MAF: variants seen among roughly 807,000 people sequenced by gnomAD.
The protein encoded by MAF is MAF bZIP transcription factor.
MAF carries 10 observed loss-of-function variants against 22.0 expected under a neutral mutation model. The observed-to-expected ratio is 0.45, with a 90% CI of 0.28 to 0.77. The LOEUF is 0.77. Among genes scored for constraint, MAF ranks in the 30% least tolerant of loss-of-function variants. MAF has a pLI of 0.12. For synonymous variants in MAF, 337 were observed against 255.8 expected (o/e 1.32, Z -3.03); for missense variants, 544 against 548.4 (o/e 0.99, Z 0.08).
chr16:79,512,899 T>G, the MAF span, among the ~76,000 whole-genome samples: 2 of 152,170 alleles, frequency 1.3e-5, no homozygotes, highest in African/African-American at 2.4e-5. Context: ...TATACCTGTA[T>G]AGGCACACGC....
the MAF span, among the ~76,000 whole-genome samples, chr16:79,216,465 G>C: frequency 6.6e-6 from 1 of 152,224 alleles, no homozygotes; most frequent in Non-Finnish European, 1.5e-5. Flanking sequence ...TAGAAACTGT[G>C]CTTAGAGTAC....
At chr16:79,471,760 G>T in the MAF span, among the ~76,000 whole-genome samples, 11,566 of 152,274 alleles carry the variant, frequency 0.076, 570 homozygotes, top group East Asian at 0.13. Context: ...TAGGACAGCT[G>T]ATAAGTGGTC....
chr16:79,513,845 T>C, the MAF span, among the ~76,000 whole-genome samples: 1 of 152,116 alleles, frequency 6.6e-6, no homozygotes, highest in Admixed American at 6.5e-5. Context: ...TTCCACCGGG[T>C]AGGCTGTGTC....
At chr16:79,212,706 C>T in the MAF span, 2 of 148,228 alleles carry the variant, frequency 1.3e-5, no homozygotes, top group Non-Finnish European at 3.1e-5. Flanking sequence ...ATGTTTGTTT[C>T]AGTTTGTTTT....
the MAF span, among the ~76,000 whole-genome samples, chr16:79,425,825 T>C: frequency 5.3e-5 from 8 of 152,328 alleles, no homozygotes; most frequent in Non-Finnish European, 1.2e-4. Flanking sequence ...CACACAGACT[T>C]TGTGCAGCAT....
chr16:79,384,084 A>G, the MAF span, among the ~76,000 whole-genome samples: 3 of 152,166 alleles, frequency 2.0e-5, no homozygotes, highest in African/African-American at 7.2e-5. Context: ...TGAGTTGTAC[A>G]ATCGGGATGA....
chr16:79,220,272 A>AAT, the MAF span, among the ~76,000 whole-genome samples: 1 of 151,238 alleles, frequency 6.6e-6, no homozygotes, highest in East Asian at 1.9e-4. Flanking sequence ...AAAAAAAAAA[A>AAT]AAGTTAAAGT....
At chr16:79,371,691 T>C in the MAF span, among the ~76,000 whole-genome samples, 1 of 152,216 alleles carries the variant, frequency 6.6e-6, no homozygotes, top group African/African-American at 2.4e-5. Context: ...CATTCAGGCC[T>C]CAGGTCCTGT....
the MAF span, among the ~76,000 whole-genome samples, chr16:79,208,936 C>T: frequency 4.6e-5 from 7 of 152,112 alleles, no homozygotes; most frequent in Non-Finnish European, 1.0e-4. Context: ...AGAGTGAGTA[C>T]CCATGAGCAC....
At chr16:79,506,858 G>A in the MAF span, among the ~76,000 whole-genome samples, 1 of 152,250 alleles carries the variant, frequency 6.6e-6, no homozygotes, top group South Asian at 2.1e-4. Context: ...GCTATGATAA[G>A]AAATTTGGAT....
chr16:79,595,247 T>A, intron 1 of MAF: 3 of 1,046,268 alleles, frequency 2.9e-6, no homozygotes, highest in South Asian at 4.6e-5. Context: ...GGAGCCTGTC[T>A]AAACTAGCAC....
the MAF span, among the ~76,000 whole-genome samples, chr16:79,282,559 C>A: frequency 6.6e-6 from 1 of 152,138 alleles, no homozygotes; most frequent in Non-Finnish European, 1.5e-5. Context: ...TTATAACTGG[C>A]CCCACAGTCA....
chr16:79,325,525 G>T, the MAF span, among the ~76,000 whole-genome samples: 12 of 151,854 alleles, frequency 7.9e-5, no homozygotes, highest in Non-Finnish European at 1.5e-4. Flanking sequence ...TGGATGGGCT[G>T]TCTCAGGAGC....
At chr16:79,379,043 C>A in the MAF span, among the ~76,000 whole-genome samples, 2 of 152,188 alleles carry the variant, frequency 1.3e-5, no homozygotes, top group Non-Finnish European at 2.9e-5. Context: ...AAACTTTTCT[C>A]TTTGCCAGGA....
At chr16:79,238,139 T>C in the MAF span, among the ~76,000 whole-genome samples, 2 of 152,106 alleles carry the variant, frequency 1.3e-5, no homozygotes, top group Non-Finnish European at 2.9e-5. Context: ...TTTCTGAGGC[T>C]CTTCCTTCTT....
chr16:79,208,630 A>AT, the MAF span, among the ~76,000 whole-genome samples: 9 of 81,364 alleles, frequency 1.1e-4, no homozygotes, highest in East Asian at 2.0e-3. Context: ...GTGCTCTTTA[A>AT]ATTTTTTTTT....
At chr16:79,289,627 A>G in the MAF span, among the ~76,000 whole-genome samples, 2 of 152,142 alleles carry the variant, frequency 1.3e-5, no homozygotes, top group Non-Finnish European at 2.9e-5. Context: ...CACTGTGGCC[A>G]TATGGTTATC....
At chr16:79,517,559 C>T in the MAF span, among the ~76,000 whole-genome samples, 3 of 141,008 alleles carry the variant, frequency 2.1e-5, no homozygotes, top group Admixed American at 1.5e-4. Context: ...TTTGAGTGGA[C>T]TGTTTAGTCT....
chr16:79,453,243 C>T, the MAF span, among the ~76,000 whole-genome samples: 291 of 152,236 alleles, frequency 1.9e-3, 2 homozygotes, highest in Non-Finnish European at 1.2e-3. Context: ...TAATGGTGTC[C>T]TTAGGGACCA....
Sources: allele counts gnomAD v4.1 joint callset (sites outside exome capture counted in the v4.1 genomes callset), GRCh38; gene constraint gnomAD v4.1.1; transcripts MANE v1.5; gene names NCBI Gene and HGNC (gene_info 2026-07-23, HGNC 2026-07-21).